Variants in AGPAT4 observed in about 807,000 individuals in gnomAD.
The protein encoded by AGPAT4 is 1-acylglycerol-3-phosphate O-acyltransferase 4, also known as 1-acyl-sn-glycerol-3-phosphate acyltransferase delta.
AGPAT4 carries 15 observed loss-of-function variants against 48.0 expected under a neutral mutation model. That is an observed-to-expected ratio of 0.31 (90% CI 0.21 to 0.48). The LOEUF (loss-of-function observed/expected upper bound fraction) is 0.48. Ranked by LOEUF, AGPAT4 falls within the 20% of genes least tolerant of loss-of-function variation. The probability of loss-of-function intolerance (pLI) is 0.99; values close to 1 mark genes in which losing one functional copy is unlikely to be tolerated. For missense variants in AGPAT4, 314 were observed against 482.5 expected (o/e 0.65, Z 3.27); for synonymous variants, 178 against 198.7 (o/e 0.90, Z 0.88).
chr6:161,186,964 G>T (rs181662187), intron 2 of AGPAT4, among the ~76,000 whole-genome samples: 2 of 151,932 alleles, frequency 1.3e-5, no homozygotes, highest in African/African-American at 2.4e-5. Flanking sequence ...TCTTCAACTC[G>T]CCTGAATCCC....
In AGPAT4 at chr6:161,270,760, C is replaced by T. The variant is rs12665209; in HGVS notation, c.-90+3178G>A. Among the ~76,000 whole-genome samples, 12,082 of 151,844 alleles carry T rather than the reference C, an allele frequency of 0.08. 871 individuals carry two copies. The highest frequency in any genetic ancestry group is 0.28 in the East Asian group (1,458 of 5,150). ...TCACGCCATTGCACTCCAGCCTGGGCGACAGAGCAAGACTTCATCTCAAAA... is the reference window on the plus strand; with the variant it reads ...TCACGCCATTGCACTCCAGCCTGGGTGACAGAGCAAGACTTCATCTCAAAA... On this transcript the variant is annotated intron_variant, in intron 1 of 8. Coordinates refer to ENST00000320285, the MANE Select transcript of AGPAT4 (RefSeq NM_020133.3). The surrounding 1 kb of genome is among the most constrained non-coding windows in gnomAD (Gnocchi z 5.3).
At position 161,206,928 on chromosome 6, in the gene AGPAT4, A is replaced by C. The variant is rs1280285987; in HGVS notation, c.178+25108T>G. On this transcript the variant is annotated intron_variant, in intron 2 of 8. Transcript: ENST00000320285. The surrounding 1 kb of genome is among the most constrained non-coding windows in gnomAD (Gnocchi z 4.8). ...AAGAGTGAAGGAGGCAGAGGAAAGA[A>C]CCAGTGAACTCAAAGGCAGAACAGT... 6.6e-6 allele frequency among the ~76,000 whole-genome samples: 1 copy of C among 152,238 alleles called. No homozygotes were observed. The highest frequency in any genetic ancestry group is 1.5e-5 in the Non-Finnish European group (1 of 68,034).
rs374700536 is a variant in AGPAT4 at position 161,187,201 on chromosome 6, T to C, written c.179-20784A>G. Among the ~76,000 whole-genome samples, 34 of 152,366 alleles carry C rather than the reference T, an allele frequency of 2.2e-4. 1 individual carries two copies. Among genetic ancestry groups the C allele is most frequent in the African/African-American group, 7.7e-4 (32 of 41,588 alleles). On this transcript the variant is annotated intron_variant, in intron 2 of 8. Transcript: ENST00000320285. ...GCAATGATGTTGGTGGTCACCTTTTTCCCGGAACCTCTTGCTCCGCCTTCC... is the reference window on the plus strand; with the variant it reads ...GCAATGATGTTGGTGGTCACCTTTTCCCCGGAACCTCTTGCTCCGCCTTCC...
rs6455708 is a variant in AGPAT4 at position 161,185,378 on chromosome 6, C to A, written c.179-18961G>T. Among the ~76,000 whole-genome samples, 285 of 150,108 alleles carry A rather than the reference C, an allele frequency of 1.9e-3. 1 individual carries two copies. Among genetic ancestry groups the A allele is most frequent in the African/African-American group, 6.7e-3 (274 of 40,810 alleles). On this transcript the variant is annotated intron_variant, in intron 2 of 8. Transcript: ENST00000320285. ...CAATCTCAGCTCACTGCAGCCTTGACCCCCTGCGTTCAGGTGATTCTCCTG... is the reference window on the plus strand; with the variant it reads ...CAATCTCAGCTCACTGCAGCCTTGAACCCCTGCGTTCAGGTGATTCTCCTG...
In AGPAT4 at chr6:161,251,771, G is replaced by A. The variant is rs1296752696; in HGVS notation, c.-89-19469C>T. Reference sequence around the variant, plus strand: ...GAGACGTGCTCTTGATACACATAAGGGCATTGATAGTTTACAAATCTACCT... The same window carrying A: ...GAGACGTGCTCTTGATACACATAAGAGCATTGATAGTTTACAAATCTACCT... On this transcript the variant is annotated intron_variant, in intron 1 of 8. Transcript: ENST00000320285. The surrounding 1 kb of genome is among the most constrained non-coding windows in gnomAD (Gnocchi z 4.6). Among the ~76,000 whole-genome samples, 1 of 152,134 alleles carries A rather than the reference G, an allele frequency of 6.6e-6. No homozygotes were observed. Among genetic ancestry groups the A allele is most frequent in the Non-Finnish European group, 1.5e-5 (1 of 68,024 alleles).
At position 161,272,729 on chromosome 6, in the gene AGPAT4, C is replaced by CACACACA. The variant is rs1251444959; in HGVS notation, c.-90+1208_-90+1209insTGTGTGT. Among the ~76,000 whole-genome samples, 1 of 151,930 alleles carries CACACACA rather than the reference C, an allele frequency of 6.6e-6. No homozygotes were observed. Among genetic ancestry groups the CACACACA allele is most frequent in the African/African-American group, 2.4e-5 (1 of 41,306 alleles). ...AAACACACACACACACACACACACA[C>CACACACA]ACAAACACACACATTCTCCCTTCTC... is the stretch of plus-strand genomic sequence containing the variant. On this transcript the variant is annotated intron_variant, in intron 1 of 8. Transcript: ENST00000320285. This position sits in a 1 kb window ranked among gnomAD's most constrained non-coding sequence, Gnocchi z 4.2.
rs1407436799 is a variant in AGPAT4 at position 161,154,733 on chromosome 6, T to G, written c.349-423A>C. Among the ~76,000 whole-genome samples, 1 of 152,250 alleles carries G rather than the reference T, an allele frequency of 6.6e-6. No homozygotes were observed. On this transcript the variant is annotated intron_variant, in intron 3 of 8. Coordinates refer to ENST00000320285, the MANE Select transcript of AGPAT4 (RefSeq NM_020133.3). This position sits in a 1 kb window ranked among gnomAD's most constrained non-coding sequence, Gnocchi z 7.8. ...CTTTTCTGCAGATCTCACTGAGTTT[T>G]GTGATATTACAAAATATAGTAATTC...
intron 1 of AGPAT4, among the ~76,000 whole-genome samples, chr6:161,269,297 G>A (rs995955772): frequency 5.3e-5 from 8 of 152,084 alleles, no homozygotes; most frequent in Admixed American, 3.3e-4. Flanking sequence ...ATTAACAAAT[G>A]TTTACCATCC....
intron 2 of AGPAT4, among the ~76,000 whole-genome samples, chr6:161,181,511 G>GGGGA: frequency 8.1e-6 from 1 of 123,470 alleles, no homozygotes; most frequent in African/African-American, 2.8e-5. Context: ...AGCAGGGGGC[G>GGGGA]GGGGGCGCTT....
At chr6:161,186,083 T>C (rs117377791) in intron 2 of AGPAT4, among the ~76,000 whole-genome samples, 175 of 152,258 alleles carry the variant, frequency 1.1e-3, no homozygotes, top group Non-Finnish European at 2.2e-3. Flanking sequence ...GAAAGTCTCA[T>C]TGCCTACTCT....
chr6:161,272,733 A>ACACAC lies in AGPAT4; in HGVS notation c.-90+1204_-90+1205insGTGTG. Reference sequence around the variant, plus strand: ...ACACACACACACACACACACACACAAACACACACATTCTCCCTTCTCTCAA... The same window carrying ACACAC: ...ACACACACACACACACACACACACAACACACACACACACATTCTCCCTTCTCTCAA... On this transcript the variant is annotated intron_variant, in intron 1 of 8. Coordinates refer to ENST00000320285, the MANE Select transcript of AGPAT4 (RefSeq NM_020133.3). This position sits in a 1 kb window ranked among gnomAD's most constrained non-coding sequence, Gnocchi z 4.2. Among the ~76,000 whole-genome samples, 1 of 116,994 alleles carries ACACAC rather than the reference A, an allele frequency of 8.5e-6. No homozygotes were observed. The highest frequency in any genetic ancestry group is 4.2e-5 in the African/African-American group (1 of 24,030). The allele number at this position is 116,994 out of a possible 152,430, so 76.8% of individuals were successfully genotyped here.
rs77028511 is a variant in AGPAT4, at chr6:161,262,200, T to A, written c.-90+11738A>T. 2.8e-4 allele frequency among the ~76,000 whole-genome samples: 42 copies of A among 152,214 alleles called. No individual in the cohort carries two copies. In the East Asian group the frequency reaches 8.1e-3, roughly 29 times the overall value. ...AGTCCTCTCAGCCCATAATCATTTATAGAACTTAAAAAAAAATGAGCCTGA... is the reference window on the plus strand; with the variant it reads ...AGTCCTCTCAGCCCATAATCATTTAAAGAACTTAAAAAAAAATGAGCCTGA... On this transcript the variant is annotated intron_variant, in intron 1 of 8. Coordinates refer to ENST00000320285, the MANE Select transcript of AGPAT4 (RefSeq NM_020133.3). The surrounding 1 kb of genome is among the most constrained non-coding windows in gnomAD (Gnocchi z 4.9).
chr6:161,227,569 A>C (rs981148123), intron 2 of AGPAT4, among the ~76,000 whole-genome samples: 1 of 152,150 alleles, frequency 6.6e-6, no homozygotes, highest in African/African-American at 2.4e-5. Context: ...ACCCTCTTGC[A>C]CGCACAGCCC....
chr6:161,191,555 CTGAAAGTGGG>C (rs1780923921), intron 2 of AGPAT4, among the ~76,000 whole-genome samples: 1 of 152,170 alleles, frequency 6.6e-6, no homozygotes, highest in African/African-American at 2.4e-5. Context: ...TCCAGCAGCT[CTGAAAGTGGG>C]TGAAACTAGA....
Position 161,166,327 on chromosome 6 carries a change from G to C in AGPAT4, c.269C>G (p.Ala90Gly), listed in dbSNP as rs1780095031. ...RAYLKYGKEN[A>G]IVVLNHKFEI... ...AAACTTGTGGTTGAGAACCACGATGGCATTTTCCTTCCCATACTTGAGGTA... is the reference window on the plus strand; with the variant it reads ...AAACTTGTGGTTGAGAACCACGATGCCATTTTCCTTCCCATACTTGAGGTA... Residue 90 changes from alanine to glycine, a missense_variant, in exon 3 of 9, where the codon GCC (alanine) becomes GGC (glycine). Physicochemically the swap from Ala to Gly is moderately conservative, Grantham distance 60. Transcript: ENST00000320285. This position sits in a 1 kb window ranked among gnomAD's most constrained non-coding sequence, Gnocchi z 6.7. The C allele has an allele frequency of 6.2e-7, 1 of 1,614,030 alleles. No homozygotes were observed. The highest frequency in any genetic ancestry group is 1.1e-5 in the South Asian group (1 of 91,060).
chr6:161,268,858 A>G (rs1396544306), intron 1 of AGPAT4, among the ~76,000 whole-genome samples: 1 of 152,196 alleles, frequency 6.6e-6, no homozygotes, highest in Non-Finnish European at 1.5e-5. Flanking sequence ...ATGACATCAG[A>G]AAACACAGAG....
Position 161,243,483 on chromosome 6 carries a change from G to C in AGPAT4, c.-89-11181C>G, listed in dbSNP as rs1230883199. On this transcript the variant is annotated intron_variant, in intron 1 of 8. Coordinates refer to ENST00000320285, the MANE Select transcript of AGPAT4 (RefSeq NM_020133.3). The surrounding 1 kb of genome is among the most constrained non-coding windows in gnomAD (Gnocchi z 4.8). ...TGCGCACTTGGCCCACCACAAGGCT[G>C]TGTGCCCAGAGCCTGCAGGAGAGGC... 6.6e-6 allele frequency among the ~76,000 whole-genome samples: 1 copy of C among 152,256 alleles called. No individual in the cohort carries two copies. The highest frequency in any genetic ancestry group is 1.9e-4 in the East Asian group (1 of 5,204).
intron 2 of AGPAT4, among the ~76,000 whole-genome samples, chr6:161,172,632 T>C (rs574923538): frequency 6.3e-4 from 96 of 152,290 alleles, no homozygotes; most frequent in Non-Finnish European, 9.3e-4. Flanking sequence ...TTTTGTCATA[T>C]TTTTATTTTT....
rs533261741 is a variant in AGPAT4, at chr6:161,195,698, T to G, written c.179-29281A>C. ...TTGACTACTCCGAAGAGGAAAGAACTCTAAGAAGGCCACCCTCTGTCTCTC... is the reference window on the plus strand; with the variant it reads ...TTGACTACTCCGAAGAGGAAAGAACGCTAAGAAGGCCACCCTCTGTCTCTC... On this transcript the variant is annotated intron_variant, in intron 2 of 8. Transcript: ENST00000320285. The surrounding 1 kb of genome is among the most constrained non-coding windows in gnomAD (Gnocchi z 5.0). Among the ~76,000 whole-genome samples, 3 of 152,288 alleles carry G rather than the reference T, an allele frequency of 2.0e-5. No homozygotes were observed. The highest frequency in any genetic ancestry group is 4.1e-4 in the South Asian group (2 of 4,822).
Sources: allele counts gnomAD v4.1 joint callset (sites outside exome capture counted in the v4.1 genomes callset), GRCh38; gene constraint gnomAD v4.1.1; non-coding constraint Gnocchi (gnomAD v3.1); transcripts MANE v1.5; gene names NCBI Gene and HGNC (gene_info 2026-07-23, HGNC 2026-07-21).